CNTN4: variants seen among roughly 807,000 people sequenced by gnomAD.
The protein encoded by CNTN4 is contactin-4.
A neutral mutation model predicts 122.5 loss-of-function variants in CNTN4; 77 were observed. The ratio of observed to expected loss-of-function variants is 0.63; its 90% CI spans 0.52 to 0.76. The LOEUF is 0.76. Among genes scored for constraint, CNTN4 ranks in the 30% least tolerant of loss-of-function variants. The pLI is 0.00. For missense variants in CNTN4, 1,256 were observed against 1,259.1 expected (o/e 1.00, Z 0.04); for synonymous variants, 512 against 447.0 (o/e 1.15, Z -1.83).
At chr3:2,427,774 T>C (rs879800914) in intron 3 of CNTN4, among the ~76,000 whole-genome samples, 3 of 152,018 alleles carry the variant, frequency 2.0e-5, no homozygotes, top group Non-Finnish European at 4.4e-5. Context: ...GGTGCACATA[T>C]ATTTAGGATA....
rs1236463376 is a variant in CNTN4 at position 2,838,382 on chromosome 3, C to A, written c.454+18801C>A. On this transcript the variant is annotated intron_variant, in intron 7 of 24. Coordinates refer to ENST00000418658, the MANE Select transcript of CNTN4 (RefSeq NM_175607.3). ...TAAGTCCAAGGGCTCTTCTGGTCAC[C>A]CTTTCACATATAGTCTACCACATTC... 3.3e-5 allele frequency among the ~76,000 whole-genome samples: 5 copies of A among 152,010 alleles called. No homozygotes were observed. In the East Asian group the frequency reaches 7.7e-4, roughly 24 times the overall value.
At chr3:2,919,286 A>T (rs1423449298) in intron 12 of CNTN4, among the ~76,000 whole-genome samples, 1 of 147,870 alleles carries the variant, frequency 6.8e-6, no homozygotes, top group Non-Finnish European at 1.5e-5. Flanking sequence ...CAGAAGGCGG[A>T]GGCTGCAGTG....
At chr3:2,855,247 T>C (rs2093605941) in intron 7 of CNTN4, among the ~76,000 whole-genome samples, 1 of 152,202 alleles carries the variant, frequency 6.6e-6, no homozygotes, top group Non-Finnish European at 1.5e-5. Flanking sequence ...TTAGTTAAGC[T>C]GGAGGTTTCA....
chr3:3,014,804 G>C (rs2125539224), intron 14 of CNTN4, among the ~76,000 whole-genome samples: 1 of 150,754 alleles, frequency 6.6e-6, no homozygotes, highest in East Asian at 2.0e-4. Context: ...TAATTTAAAA[G>C]ACATGAAAAG....
chr3:2,770,431 G>T (rs181885902), intron 6 of CNTN4, among the ~76,000 whole-genome samples: 5 of 152,324 alleles, frequency 3.3e-5, no homozygotes, highest in South Asian at 2.1e-4. Flanking sequence ...CTTCCCTGGT[G>T]GGGGAGGGCC....
intron 12 of CNTN4, among the ~76,000 whole-genome samples, 184 bp from the exon 13 acceptor site, chr3:2,925,445 A>G (rs925976676): frequency 6.6e-6 from 1 of 151,980 alleles, no homozygotes; most frequent in Non-Finnish European, 1.5e-5. Flanking sequence ...CCCAGCTACT[A>G]GGGAGGCTGA....
At chr3:2,101,423 A>G (rs2031944916) in intron 2 of CNTN4, among the ~76,000 whole-genome samples, 4 of 152,216 alleles carry the variant, frequency 2.6e-5, no homozygotes, top group Admixed American at 2.6e-4. Flanking sequence ...TTGAGGACAG[A>G]CATAATATGC....
At chr3:2,545,048 G>A (rs2149321450) in intron 3 of CNTN4, among the ~76,000 whole-genome samples, 1 of 152,086 alleles carries the variant, frequency 6.6e-6, no homozygotes, top group African/African-American at 2.4e-5. Context: ...TTAGCTGTGT[G>A]CCAGAGATTG....
At chr3:2,817,638 C>A (rs554900131) in intron 6 of CNTN4, among the ~76,000 whole-genome samples, 19 of 152,290 alleles carry the variant, frequency 1.2e-4, no homozygotes, top group Admixed American at 1.2e-3. Context: ...AATACTATTT[C>A]TCTAATCAGA....
chr3:2,400,014 G>T (rs534560576), intron 3 of CNTN4, among the ~76,000 whole-genome samples: 1 of 152,012 alleles, frequency 6.6e-6, no homozygotes, highest in African/African-American at 2.4e-5. Flanking sequence ...TAATATAATT[G>T]AATGTGGACA....
Position 2,144,343 on chromosome 3 carries a change from A to G in CNTN4, c.-145+43704A>G, listed in dbSNP as rs561101936. ...GTAAAACAAGCGTTTCTTTACTTGA[A>G]AGTTTTAAGTCGACAGTTGCCATGA... On this transcript the variant is annotated intron_variant, in intron 2 of 24. Transcript: ENST00000418658. The G allele has an allele frequency of 1.2e-4, 18 of 152,294 alleles. No individual in the cohort carries two copies. The South Asian group carries it at 3.7e-3, about 32-fold the overall frequency. 9.4% of individuals were successfully genotyped at this position (152,294 alleles called of 1,614,324 possible).
chr3:2,781,377 A>C (rs1173876822), intron 6 of CNTN4, among the ~76,000 whole-genome samples: 1 of 152,246 alleles, frequency 6.6e-6, no homozygotes, highest in Admixed American at 6.5e-5. Flanking sequence ...GCATAATACT[A>C]TGCTGTGAAT....
intron 2 of CNTN4, among the ~76,000 whole-genome samples, chr3:2,312,349 T>A (rs2042945386): frequency 6.6e-6 from 1 of 152,128 alleles, no homozygotes. Context: ...TCCTCCTGAA[T>A]AATTAGGGCA....
At chr3:2,446,705 G>C (rs2048638847) in intron 3 of CNTN4, among the ~76,000 whole-genome samples, 1 of 152,168 alleles carries the variant, frequency 6.6e-6, no homozygotes, top group Admixed American at 6.5e-5. Context: ...ACTTAGATGA[G>C]TTGCATCAGC....
At chr3:3,006,045 T>C (rs562021243) in intron 14 of CNTN4, among the ~76,000 whole-genome samples, 35 of 151,720 alleles carry the variant, frequency 2.3e-4, no homozygotes, top group South Asian at 1.7e-3. Context: ...ACCCCCACGC[T>C]CGGCTAATTT....
chr3:2,632,530 C>T (rs747012385), intron 4 of CNTN4, among the ~76,000 whole-genome samples: 38 of 152,136 alleles, frequency 2.5e-4, no homozygotes, highest in Non-Finnish European at 3.8e-4. Context: ...AAGAGTTGCA[C>T]ATTTATGTCT....
chr3:2,245,473 G>A (rs1344538600), intron 2 of CNTN4, among the ~76,000 whole-genome samples: 1 of 152,020 alleles, frequency 6.6e-6, no homozygotes, highest in Non-Finnish European at 1.5e-5. Flanking sequence ...GGCAATGACA[G>A]TGTGTACACT....
rs746042378 is a variant in CNTN4, at chr3:2,659,904, C to A, written c.56-76311C>A. ...AAACATTGCTCCTGTTCAGATACATCGAACTGGAAACCTGGTCAGGGATTG... is the reference window on the plus strand; with the variant it reads ...AAACATTGCTCCTGTTCAGATACATAGAACTGGAAACCTGGTCAGGGATTG... On this transcript the variant is annotated intron_variant, in intron 4 of 24. Coordinates refer to ENST00000418658, the MANE Select transcript of CNTN4 (RefSeq NM_175607.3). Among the ~76,000 whole-genome samples, 127 of 152,288 alleles carry A rather than the reference C, an allele frequency of 8.3e-4. 1 individual carries two copies. Among genetic ancestry groups the A allele is most frequent in the Middle Eastern group, 3.4e-3 (1 of 292 alleles).
At chr3:2,814,802 C>G (rs982717033) in intron 6 of CNTN4, among the ~76,000 whole-genome samples, 3 of 152,162 alleles carry the variant, frequency 2.0e-5, no homozygotes, top group Non-Finnish European at 4.4e-5. Flanking sequence ...AGGTGCTGCA[C>G]CTCCGTGAGC....
Sources: gnomAD v4.1 joint callset for allele counts (sites outside exome capture counted in the v4.1 genomes callset) on GRCh38, gnomAD v4.1.1 for gene constraint, MANE v1.5 for transcripts, NCBI Gene and HGNC (gene_info 2026-07-23, HGNC 2026-07-21) for gene names.